HASPIN: variants seen among roughly 807,000 people sequenced by gnomAD.
The protein encoded by HASPIN is serine/threonine-protein kinase haspin.
In HASPIN, 24 loss-of-function variants were observed where a neutral mutation model predicts 28.8. That is an observed-to-expected ratio of 0.83 (90% CI 0.60 to 1.17). HASPIN has a LOEUF of 1.17. Ranked by LOEUF, HASPIN falls within the 50% of genes most tolerant of loss-of-function variation. HASPIN has a pLI of 0.00. For missense variants in HASPIN, 1,016 were observed against 1,018.5 expected, an observed-to-expected ratio of 1.00 and a Z score of 0.03; for synonymous variants, 440 against 413.1, an observed-to-expected ratio of 1.07 and a Z score of -0.79.
In HASPIN at chr17:3,725,447, TCA is replaced by T; in HGVS notation, c.1518_1519del (p.Pro507ArgfsTer9). The T allele has an allele frequency of 6.2e-7, 1 of 1,614,154 alleles. No individual in the cohort carries two copies. The highest frequency in any genetic ancestry group is 8.5e-7 in the Non-Finnish European group (1 of 1,180,016). ...FGEVFQTIAD[H>X]TPVAIKIIAI... ...GCGAAGTGTTTCAAACAATTGCTGA[TCA>T]CACACCCGTAGCCATAAAAATCATT... On this transcript the variant is annotated frameshift_variant, in exon 1 of 1. Coordinates refer to ENST00000325418, the MANE Select transcript of HASPIN (RefSeq NM_031965.2). LOFTEE classifies it high-confidence loss of function.
At position 3,725,697 on chromosome 17, in the gene HASPIN, A is replaced by C. The variant is rs2051193411; in HGVS notation, c.1762A>C (p.Asn588His). 6.3e-7 allele frequency: 1 copy of C among 1,577,798 alleles called. No individual in the cohort carries two copies. The highest frequency in any genetic ancestry group is 1.2e-5 in the South Asian group (1 of 85,140). Residue 588 changes from asparagine to histidine, a missense_variant, in exon 1 of 1, where the codon AAT (asparagine) becomes CAT (histidine). Around this residue, in one of 3 missense-constraint regions of HASPIN, gnomAD observed 881 missense variants for 845.5 expected, o/e 1.04. Coordinates refer to ENST00000325418, the MANE Select transcript of HASPIN (RefSeq NM_031965.2). ...CTATAATTCAACCAAAGGCTCTGCA[A>C]ATGACCGGCCTGATTTTTTTAAAGA... The part of the protein sequence containing the change: ...DHYNSTKGSA[N>H]DRPDFFKDDQ...
Position 3,724,355 on chromosome 17 carries a change from C to T in HASPIN, c.420C>T (p.Ser140=), listed in dbSNP as rs1246257599. The T allele has an allele frequency of 6.3e-7, 1 of 1,599,970 alleles. No individual in the cohort carries two copies. The highest frequency in any genetic ancestry group is 8.5e-7 in the Non-Finnish European group (1 of 1,176,504). Residue 140 remains serine (S), a synonymous_variant, in exon 1 of 1, where the codon AGC becomes AGT. Coordinates refer to ENST00000325418, the MANE Select transcript of HASPIN (RefSeq NM_031965.2). ...CGPLRLPPFP[S]RDSGRLSPDL... ...CGCTCCGACTTCCGCCCTTCCCCAG[C>T]CGCGACTCCGGCCGCCTCAGCCCGG... is the stretch of plus-strand genomic sequence containing the variant.
rs1389612168 is a variant in HASPIN at position 3,724,892 on chromosome 17, C to T, written c.957C>T (p.Pro319=). ...GAGAGCATCAGGAGGCCAGTGTTCCCAAGGGCCGCATTGTGCCAAGGGGAA... is the reference window on the plus strand; with the variant it reads ...GAGAGCATCAGGAGGCCAGTGTTCCTAAGGGCCGCATTGTGCCAAGGGGAA... ...VRREHQEASV[P]KGRIVPRGID... The change falls in exon 1 of 1, where the codon CCC becomes CCT. Residue 319 remains proline, a synonymous_variant. Transcript: ENST00000325418. 1 of 1,613,508 alleles carries T rather than the reference C, an allele frequency of 6.2e-7. No homozygotes were observed. Among genetic ancestry groups the T allele is most frequent in the Admixed American group, 1.7e-5 (1 of 60,004 alleles).
In HASPIN at chr17:3,726,279, CTG is replaced by C; in HGVS notation, c.2345_2346del (p.Leu782GlnfsTer7). 1 of 1,614,108 alleles carries C rather than the reference CTG, an allele frequency of 6.2e-7. No individual in the cohort carries two copies. The highest frequency in any genetic ancestry group is 8.5e-7 in the Non-Finnish European group (1 of 1,179,974). On this transcript the variant is annotated frameshift_variant, in exon 1 of 1. Transcript: ENST00000325418. LOFTEE classifies it high-confidence loss of function. ...RKIQEFHRTM[L>X]NFSSATDLLC... ...AATCCAGGAGTTCCACAGGACAATG[CTG>C]AACTTCAGCTCTGCCACTGACTTGC...
rs1197018226 is a variant in HASPIN at position 3,723,980 on chromosome 17, A to G, written c.45A>G (p.Thr15=). ...GACCTGGGAGCCGGCTTTTCCGCAC[A>G]TATGGGGCTGCGGACGGCAGGAGAC... The part of the protein sequence containing the change: ...LPGPGSRLFR[T]YGAADGRRQR... Residue 15 remains threonine, a synonymous_variant, in exon 1 of 1, where the codon ACA becomes ACG. Transcript: ENST00000325418. 2.5e-6 allele frequency: 4 copies of G among 1,592,734 alleles called. No individual in the cohort carries two copies. Among genetic ancestry groups the G allele is most frequent in the Non-Finnish European group, 3.4e-6 (4 of 1,170,782 alleles).
chr17:3,724,864 G>C lies in HASPIN; in HGVS notation c.929G>C (p.Arg310Pro), dbSNP rs201711774. 2 of 1,613,948 alleles carry C rather than the reference G, an allele frequency of 1.2e-6. No homozygotes were observed. Among genetic ancestry groups the C allele is most frequent in the Non-Finnish European group, 8.5e-7 (1 of 1,180,032 alleles). The change falls in exon 1 of 1, where the codon CGG becomes CCG. Residue 310 changes from arginine to proline, a missense_variant. Arg to Pro is a moderately radical substitution (Grantham distance 103). This residue lies in a region of HASPIN where 881 missense variants were observed against 845.5 expected (regional missense o/e 1.04). Transcript: ENST00000325418. ...GAGAGAGGGCTTCAAGAGGCCGTCC[G>C]GAGAGAGCATCAGGAGGCCAGTGTT... ...CQERGLQEAV[R>P]REHQEASVPK... is the part of the protein sequence containing the mutation.
At position 3,725,907 on chromosome 17, in the gene HASPIN, A is replaced by C. The variant is rs372363556; in HGVS notation, c.1972A>C (p.Lys658Gln). The change falls in exon 1 of 1, where the codon AAG (lysine) becomes CAG (glutamine). Residue 658 changes from lysine (K) to glutamine (Q), a missense_variant. Lys to Gln is a moderately conservative substitution (Grantham distance 53). Transcript: ENST00000325418. ...RDLHWGNVLLKKTSLKKLHYT... is the reference protein window; with the variant it reads ...RDLHWGNVLLQKTSLKKLHYT... ...CTTACACTGGGGGAACGTGCTCTTA[A>C]AGAAAACCAGCCTCAAAAAACTCCA... 2.5e-6 allele frequency: 4 copies of C among 1,612,984 alleles called. No homozygotes were observed. The highest frequency in any genetic ancestry group is 2.5e-6 in the Non-Finnish European group (3 of 1,179,982).
Position 3,725,101 on chromosome 17 carries a change from G to T in HASPIN, c.1166G>T (p.Ser389Ile). The T allele has an allele frequency of 6.2e-7, 1 of 1,614,220 alleles. No homozygotes were observed. Among genetic ancestry groups the T allele is most frequent in the Non-Finnish European group, 8.5e-7 (1 of 1,180,042 alleles). The change falls in exon 1 of 1, where the codon AGT becomes ATT. Residue 389 changes from serine to isoleucine, a missense_variant. By Grantham distance (142) the Ser-to-Ile change is moderately radical (BLOSUM62 -2). Coordinates refer to ENST00000325418, the MANE Select transcript of HASPIN (RefSeq NM_031965.2). Reference sequence around the variant, plus strand: ...TGGACCAAAACCAGGGCTTCCTTCAGTTTCCACAAGAAGAAAATTGTGACT... The same window carrying T: ...TGGACCAAAACCAGGGCTTCCTTCATTTTCCACAAGAAGAAAATTGTGACT... ...CFWTKTRASF[S>I]FHKKKIVTDV...
chr17:3,725,311 A>T lies in HASPIN; in HGVS notation c.1376A>T (p.Asp459Val). 6.2e-7 allele frequency: 1 copy of T among 1,614,230 alleles called. No homozygotes were observed. The highest frequency in any genetic ancestry group is 2.2e-5 in the East Asian group (1 of 44,892). Residue 459 changes from aspartate (D) to valine (V), a missense_variant, in exon 1 of 1, where the codon GAT becomes GTT. By Grantham distance (152) the Asp-to-Val change is radical (BLOSUM62 -3). Around this residue, in one of 3 missense-constraint regions of HASPIN, gnomAD observed 881 missense variants for 845.5 expected, o/e 1.04. Transcript: ENST00000325418. ...AGTATTTCAAACAAAAAGGCATCTG[A>T]TGCTGAAAAGGTTTATGGGGAATGC... ...TLSISNKKAS[D>V]AEKVYGECSQ... is the part of the protein sequence containing the mutation.
In HASPIN at chr17:3,726,063, C is replaced by G. The variant is rs559414438; in HGVS notation, c.2128C>G (p.Leu710Val). Residue 710 changes from leucine to valine, a missense_variant, in exon 1 of 1, where the codon CTG becomes GTG. Coordinates refer to ENST00000325418, the MANE Select transcript of HASPIN (RefSeq NM_031965.2). ...VFCDVSMDEDLFTGDGDYQFD... is the reference protein window; with the variant it reads ...VFCDVSMDEDVFTGDGDYQFD... ...CTGTGACGTTTCCATGGATGAGGAC[C>G]TGTTTACCGGTGACGGTGACTACCA... The G allele has an allele frequency of 1.1e-5, 17 of 1,614,194 alleles. No homozygotes were observed. In the Admixed American group the frequency reaches 1.5e-4, roughly 14 times the overall value.
In HASPIN at chr17:3,723,952, C is replaced by A; in HGVS notation, c.17C>A (p.Pro6Gln). 2 of 1,562,438 alleles carry A rather than the reference C, an allele frequency of 1.3e-6. No homozygotes were observed. The highest frequency in any genetic ancestry group is 2.3e-5 in the South Asian group (2 of 86,772). ...GTGCCGGCCATGGCGGCTTCGCTCC[C>A]GGGACCTGGGAGCCGGCTTTTCCGC... MAASL[P>Q]GPGSRLFRTY... Residue 6 changes from proline (P) to glutamine (Q), a missense_variant, in exon 1 of 1, where the codon CCG becomes CAG. Physicochemically the swap from Pro to Gln is moderately conservative, Grantham distance 76. Coordinates refer to ENST00000325418, the MANE Select transcript of HASPIN (RefSeq NM_031965.2).
Position 3,724,999 on chromosome 17 carries a change from G to A in HASPIN, c.1064G>A (p.Arg355His), listed in dbSNP as rs770673697. 30 of 1,614,040 alleles carry A rather than the reference G, an allele frequency of 1.9e-5. No homozygotes were observed. The highest frequency in any genetic ancestry group is 2.1e-5 in the Non-Finnish European group (25 of 1,180,044). Residue 355 changes from arginine to histidine, a missense_variant, in exon 1 of 1, where the codon CGC becomes CAC. By Grantham distance (29) the Arg-to-His change is conservative. This residue lies in a region of HASPIN where 881 missense variants were observed against 845.5 expected (regional missense o/e 1.04). Coordinates refer to ENST00000325418, the MANE Select transcript of HASPIN (RefSeq NM_031965.2). Reference sequence around the variant, plus strand: ...GAAACCTCTCTCCTCCATTCCCACCGCTTTAAAAAGGGCCAAAAGCTGGGA... The same window carrying A: ...GAAACCTCTCTCCTCCATTCCCACCACTTTAAAAAGGGCCAAAAGCTGGGA... Reference protein sequence around the residue: ...ATETSLLHSHRFKKGQKLGKD... With the variant: ...ATETSLLHSHHFKKGQKLGKD...
chr17:3,726,030 G>A lies in HASPIN; in HGVS notation c.2095G>A (p.Val699Met), dbSNP rs2051203282. 1.2e-6 allele frequency: 2 copies of A among 1,614,124 alleles called. No individual in the cohort carries two copies. The highest frequency in any genetic ancestry group is 2.7e-5 in the African/African-American group (2 of 75,052). The change falls in exon 1 of 1, where the codon GTG becomes ATG. Residue 699 changes from valine to methionine, a missense_variant. By Grantham distance (21) the Val-to-Met change is conservative. Around this residue, in one of 3 missense-constraint regions of HASPIN, gnomAD observed 129 missense variants for 156.2 expected, o/e 0.83. Coordinates refer to ENST00000325418, the MANE Select transcript of HASPIN (RefSeq NM_031965.2). ...GTCGCGCTTGGAACGGGATGGGATT[G>A]TGGTTTTCTGTGACGTTTCCATGGA... ...TLSRLERDGI[V>M]VFCDVSMDED...
chr17:3,724,031 G>T lies in HASPIN; in HGVS notation c.96G>T (p.Ala32=), dbSNP rs992929206. The change falls in exon 1 of 1, where the codon GCG becomes GCT. Residue 32 remains alanine, a synonymous_variant. Coordinates refer to ENST00000325418, the MANE Select transcript of HASPIN (RefSeq NM_031965.2). ...AGCGGCGGCCGGGCCGGGAAGCCGC[G>T]CAGTGGTTCCCGCCGCAGGACCGGA... The part of the protein sequence containing the change: ...RRQRRPGREA[A]QWFPPQDRRR... The T allele has an allele frequency of 6.3e-7, 1 of 1,591,926 alleles. No individual in the cohort carries two copies. Among genetic ancestry groups the T allele is most frequent in the Non-Finnish European group, 8.5e-7 (1 of 1,175,090 alleles).
rs149953458 is a variant in HASPIN, at chr17:3,725,963, C to T, written c.2028C>T (p.Ile676=). ...HYTLNGKSST[I]PSCGLQVSII... Reference sequence around the variant, plus strand: ...CCCTCAATGGGAAGAGCAGCACTATCCCCAGCTGTGGGTTGCAAGTGAGCA... The same window carrying T: ...CCCTCAATGGGAAGAGCAGCACTATTCCCAGCTGTGGGTTGCAAGTGAGCA... The change falls in exon 1 of 1, where the codon ATC becomes ATT. Residue 676 remains isoleucine, a synonymous_variant. Coordinates refer to ENST00000325418, the MANE Select transcript of HASPIN (RefSeq NM_031965.2). 6 of 1,613,798 alleles carry T rather than the reference C, an allele frequency of 3.7e-6. No individual in the cohort carries two copies. The highest frequency in any genetic ancestry group is 5.1e-6 in the Non-Finnish European group (6 of 1,180,014).
In HASPIN at chr17:3,726,270, A is replaced by G. The variant is rs1164113233; in HGVS notation, c.2335A>G (p.Arg779Gly). 1 of 1,614,218 alleles carries G rather than the reference A, an allele frequency of 6.2e-7. No homozygotes were observed. The highest frequency in any genetic ancestry group is 1.7e-5 in the Admixed American group (1 of 60,034). ...QIKRKIQEFH[R>G]TMLNFSSATD... ...TAAGAGAAAAATCCAGGAGTTCCAC[A>G]GGACAATGCTGAACTTCAGCTCTGC... Residue 779 changes from arginine (R) to glycine (G), a missense_variant, in exon 1 of 1, where the codon AGG becomes GGG. Arg to Gly is a moderately radical substitution (Grantham distance 125). Transcript: ENST00000325418.
chr17:3,725,340 C>CT lies in HASPIN; in HGVS notation c.1405_1406insT (p.Gln469LeufsTer8). On this transcript the variant is annotated frameshift_variant, in exon 1 of 1. Transcript: ENST00000325418. LOFTEE classifies it high-confidence loss of function. ...TGAAAAGGTTTATGGGGAATGCAGT[C>CT]AGAAGGGTCCTGTCCCCTTTAGCCA... The CT allele has an allele frequency of 6.2e-7, 1 of 1,614,186 alleles. No individual in the cohort carries two copies. Among genetic ancestry groups the CT allele is most frequent in the Non-Finnish European group, 8.5e-7 (1 of 1,180,024 alleles).
chr17:3,724,497 TC>T lies in HASPIN; in HGVS notation c.563del (p.Ser188Ter). ...GSPTPRDSVI[S>X]IGTSACLVAA... ...CCCAACGCCAAGGGACAGTGTCATC[TC>T]GATCGGCACCTCCGCCTGTCTGGTT... On this transcript the variant is annotated frameshift_variant, in exon 1 of 1. Transcript: ENST00000325418. LOFTEE classifies it low-confidence loss of function (END_TRUNC). 2 of 1,613,952 alleles carry T rather than the reference TC, an allele frequency of 1.2e-6. No homozygotes were observed. Among genetic ancestry groups the T allele is most frequent in the Non-Finnish European group, 1.7e-6 (2 of 1,180,024 alleles).
Position 3,725,666 on chromosome 17 carries a change from G to A in HASPIN, c.1731G>A (p.Trp577Ter). The A allele has an allele frequency of 6.3e-7, 1 of 1,593,314 alleles. No homozygotes were observed. Among genetic ancestry groups the A allele is most frequent in the Non-Finnish European group, 8.6e-7 (1 of 1,168,856 alleles). ...ACCCTCCCTTGCTCCTCAAAGCCTG[G>A]GATCACTATAATTCAACCAAAGGCT... Reference protein sequence around the residue: ...GSYPPLLLKAWDHYNSTKGSA... With the variant: ...GSYPPLLLKA The change falls in exon 1 of 1, where the codon TGG (tryptophan) becomes TGA (stop). Residue 577 changes from tryptophan to a stop codon, truncating the protein, a stop_gained. Transcript: ENST00000325418. LOFTEE classifies it high-confidence loss of function.
Sources: gnomAD v4.1 joint callset for allele counts on GRCh38, gnomAD v4.1.1 for gene constraint, gnomAD v4.1.1 regional missense constraint, MANE v1.5 for transcripts, NCBI Gene and HGNC (gene_info 2026-07-23, HGNC 2026-07-21) for gene names.